ARHGAP26: variants seen among roughly 807,000 people sequenced by gnomAD.
ARHGAP26 encodes rho GTPase-activating protein 26.
Under a neutral mutation model 104.8 loss-of-function variants are expected in ARHGAP26, and 38 were observed. That is an observed-to-expected ratio of 0.36 (90% CI 0.28 to 0.48). The LOEUF (loss-of-function observed/expected upper bound fraction) is 0.48. Among genes scored for constraint, ARHGAP26 ranks in the 20% least tolerant of loss-of-function variants. The pLI is 0.99. For synonymous variants in ARHGAP26, 341 were observed against 340.0 expected, an observed-to-expected ratio of 1.00 and a Z score of -0.03; for missense variants, 704 against 947.9, an observed-to-expected ratio of 0.74 and a Z score of 3.38.
chr5:143,148,103 G>A lies in ARHGAP26; in HGVS notation c.1988+722G>A, dbSNP rs142607553. 8.7e-4 allele frequency among the ~76,000 whole-genome samples: 132 copies of A among 152,230 alleles called. 3 individuals are homozygous for A. The highest frequency in any genetic ancestry group is 3.0e-3 in the African/African-American group (126 of 41,544). On this transcript the variant is annotated intron_variant, in intron 20 of 22. Transcript: ENST00000645722. ...AATCTTGTCAACTAGCGCCTTTGCAGAAAGAATGTGAGGCCATGACCGGAA... is the reference window on the plus strand; with the variant it reads ...AATCTTGTCAACTAGCGCCTTTGCAAAAAGAATGTGAGGCCATGACCGGAA...
At chr5:143,040,540 T>A (rs1376834333) in intron 13 of ARHGAP26, among the ~76,000 whole-genome samples, 1 of 152,226 alleles carries the variant, frequency 6.6e-6, no homozygotes, top group African/African-American at 2.4e-5. Flanking sequence ...ACTGTTTACA[T>A]TCTATTGAGA....
intron 11 of ARHGAP26, among the ~76,000 whole-genome samples, chr5:143,012,552 C>CATACATACATATATATAT (rs1200923855): frequency 9.6e-5 from 2 of 20,836 alleles, no homozygotes; most frequent in African/African-American, 2.4e-4. Flanking sequence ...TACATACATA[C>CATACATACATATATATAT]ATATATATAT....
chr5:142,954,326 A>T (rs1184968292), intron 11 of ARHGAP26, among the ~76,000 whole-genome samples: 1 of 152,204 alleles, frequency 6.6e-6, no homozygotes, highest in Non-Finnish European at 1.5e-5. Flanking sequence ...ATTTTATCTG[A>T]GCCTACATCT....
chr5:143,222,381 T>A lies in ARHGAP26; in HGVS notation c.2215T>A (p.Trp739Arg). The change falls in exon 23 of 23, where the codon TGG (tryptophan) becomes AGG (arginine). Residue 739 changes from tryptophan (W) to arginine (R), a missense_variant. Coordinates refer to ENST00000645722, the MANE Select transcript of ARHGAP26 (RefSeq NM_001135608.3). ...DNVHPSQEPG[W>R]LEGTLNGKTG... ...AGTTCACCCATCTCAGGAGCCTGGC[T>A]GGTTGGAGGGGACTCTGAACGGAAA... The A allele has an allele frequency of 6.2e-7, 1 of 1,604,792 alleles. No homozygotes were observed.
In ARHGAP26 at chr5:143,228,435, CTG is replaced by C. The variant is rs1466492376; in HGVS notation, c.*5991_*5992del. The C allele has an allele frequency of 1.4e-5, 3 of 219,592 alleles. No homozygotes were observed. Among genetic ancestry groups the C allele is most frequent in the East Asian group, 6.7e-5 (1 of 14,882 alleles). 13.6% of individuals were successfully genotyped at this position (219,592 alleles called of 1,614,324 possible). ...ATGTAAATTCAGTGCCATTTTAAAACTGTTCATATTTATCAAACAATTACTGT... is the reference window on the plus strand; with the variant it reads ...ATGTAAATTCAGTGCCATTTTAAAACTTCATATTTATCAAACAATTACTGT... On this transcript the variant is annotated 3_prime_UTR_variant, in exon 23 of 23. Transcript: ENST00000645722.
chr5:142,930,108 GGTGGT>G (rs1281928615), intron 10 of ARHGAP26, among the ~76,000 whole-genome samples: 1 of 152,222 alleles, frequency 6.6e-6, no homozygotes, highest in Non-Finnish European at 1.5e-5. Flanking sequence ...TTCTGAAGCA[GGTGGT>G]ACAGGAGCAG....
chr5:142,777,492 T>G (rs959605258), intron 1 of ARHGAP26, among the ~76,000 whole-genome samples: 5 of 152,356 alleles, frequency 3.3e-5, no homozygotes, highest in Middle Eastern at 3.4e-3. Flanking sequence ...TTTCTAAAAA[T>G]TAGCCAGTGG....
chr5:142,955,498 C>T (rs1769100644), intron 11 of ARHGAP26, among the ~76,000 whole-genome samples: 1 of 151,934 alleles, frequency 6.6e-6, no homozygotes, highest in South Asian at 2.1e-4. Flanking sequence ...TATCAGAGAC[C>T]CCTTCAAAAA....
intron 17 of ARHGAP26, among the ~76,000 whole-genome samples, chr5:143,111,813 A>G (rs1794801986): frequency 6.6e-6 from 1 of 152,186 alleles, no homozygotes; most frequent in African/African-American, 2.4e-5. Context: ...TTGTCCAGGG[A>G]GAGACGCCTA....
chr5:142,997,862 G>GC (rs1254927950), intron 11 of ARHGAP26, among the ~76,000 whole-genome samples: 2 of 152,064 alleles, frequency 1.3e-5, no homozygotes, highest in African/African-American at 4.8e-5. Flanking sequence ...GTGCCTTGTG[G>GC]CATAATATGA....
intron 1 of ARHGAP26, among the ~76,000 whole-genome samples, chr5:142,851,964 C>A (rs1450839037): frequency 1.3e-5 from 2 of 152,182 alleles, no homozygotes; most frequent in African/African-American, 4.8e-5. Context: ...CAGTCCCTCC[C>A]CAGTCTTGGA....
At chr5:142,837,644 T>C (rs1386372182) in intron 1 of ARHGAP26, among the ~76,000 whole-genome samples, 4 of 152,172 alleles carry the variant, frequency 2.6e-5, no homozygotes, top group African/African-American at 7.2e-5. Context: ...TTCCCTGCAG[T>C]AGAAGATACT....
chr5:142,794,176 C>G (rs1760476166), intron 1 of ARHGAP26, among the ~76,000 whole-genome samples: 1 of 152,204 alleles, frequency 6.6e-6, no homozygotes, highest in East Asian at 1.9e-4. Context: ...GGTGGGATGA[C>G]TTGGCCAAGA....
At chr5:143,092,675 CT>C (rs765494908) in intron 17 of ARHGAP26, among the ~76,000 whole-genome samples, 2 of 152,004 alleles carry the variant, frequency 1.3e-5, no homozygotes, top group Non-Finnish European at 2.9e-5. Context: ...ACACTGTTAA[CT>C]TTTAGCAAAC....
In ARHGAP26 at chr5:142,902,011, A is replaced by C. The variant is rs1376674739; in HGVS notation, c.674A>C (p.Lys225Thr). 6.2e-7 allele frequency: 1 copy of C among 1,613,908 alleles called. No homozygotes were observed. Residue 225 changes from lysine (K) to threonine (T), a missense_variant, in exon 7 of 23, where the codon AAG becomes ACG. By Grantham distance (78) the Lys-to-Thr change is moderately conservative (BLOSUM62 -1). Around this residue, in one of 6 missense-constraint regions of ARHGAP26, gnomAD observed 287 missense variants for 438.8 expected, o/e 0.65. Coordinates refer to ENST00000645722, the MANE Select transcript of ARHGAP26 (RefSeq NM_001135608.3). ...YELAKDFGDFKTQLTISIQNT... is the reference protein window; with the variant it reads ...YELAKDFGDFTTQLTISIQNT... Reference sequence around the variant, plus strand: ...CTGGCCAAGGATTTCGGGGACTTCAAGACACAGTTAACCATTAGCATACAG... The same window carrying C: ...CTGGCCAAGGATTTCGGGGACTTCACGACACAGTTAACCATTAGCATACAG...
At chr5:143,202,378 A>G (rs751870369) in intron 20 of ARHGAP26, 1 of 152,210 alleles carries the variant, frequency 6.6e-6, no homozygotes, top group Non-Finnish European at 1.5e-5. Flanking sequence ...GACCTCTTCA[A>G]GGAAAACTAC....
intron 16 of ARHGAP26, 23 bp from the exon 17 acceptor site, chr5:143,057,619 T>C (rs947442788): frequency 1.9e-6 from 3 of 1,601,912 alleles, no homozygotes; most frequent in Non-Finnish European, 2.6e-6. Flanking sequence ...TGATAAGATA[T>C]TACCTCCCTC....
chr5:143,091,967 T>G (rs7730315), intron 17 of ARHGAP26, among the ~76,000 whole-genome samples: 14,254 of 152,192 alleles, frequency 0.094, 1,237 homozygotes, highest in East Asian at 0.36. Context: ...TTTACCAAAG[T>G]TTTATTTTAC....
chr5:142,919,732 C>T (rs1205296134), intron 10 of ARHGAP26, among the ~76,000 whole-genome samples: 1 of 152,214 alleles, frequency 6.6e-6, no homozygotes, highest in African/African-American at 2.4e-5. Context: ...CGTGATGACT[C>T]ATGCCTGTAA....
Sources: gnomAD v4.1 joint callset for allele counts (sites outside exome capture counted in the v4.1 genomes callset) on GRCh38, gnomAD v4.1.1 for gene constraint, gnomAD v4.1.1 regional missense constraint, MANE v1.5 for transcripts, NCBI Gene and HGNC (gene_info 2026-07-23, HGNC 2026-07-21) for gene names.